Variants in RFPL1 observed in about 807,000 individuals in gnomAD.
RFPL1 encodes the protein ret finger protein-like 1.
Under a neutral mutation model 9.6 loss-of-function variants are expected in RFPL1, and 6 were observed. The observed-to-expected ratio is 0.62, with a 90% CI of 0.34 to 1.23. The LOEUF (loss-of-function observed/expected upper bound fraction) is 1.23. Among genes scored for constraint, RFPL1 ranks in the 50% most tolerant of loss-of-function variants. The pLI is 0.03. For missense variants in RFPL1, 352 were observed against 398.4 expected (o/e 0.88, Z 0.99); for synonymous variants, 145 against 149.4 (o/e 0.97, Z 0.22).
chr22:29,424,306 A>G, the RFPL1 span, among the ~76,000 whole-genome samples: 1 of 152,212 alleles, frequency 6.6e-6, no homozygotes, highest in Non-Finnish European at 1.5e-5. Context: ...AAAAGAAGTT[A>G]CACAGGAACA....
At chr22:29,434,526 C>T (rs115618368), upstream of RFPL1, 1,352 of 156,774 alleles carry the variant, frequency 8.6e-3, 23 homozygotes, top group African/African-American at 0.031. Context: ...TTCTTAGAAC[C>T]GCACAGAGTA....
At chr22:29,418,920 C>A in the RFPL1 span, among the ~76,000 whole-genome samples, 1 of 152,226 alleles carries the variant, frequency 6.6e-6, no homozygotes. Flanking sequence ...TCACCTGCTG[C>A]CTTTCCCACC....
the RFPL1 span, among the ~76,000 whole-genome samples, chr22:29,411,810 T>C: frequency 6.6e-6 from 1 of 152,224 alleles, no homozygotes; most frequent in South Asian, 2.1e-4. Context: ...TTGTTTGAAA[T>C]GATGGTAAGA....
At chr22:29,435,132 CAATT>C (rs1216966027), upstream of RFPL1, 2 of 152,182 alleles carry the variant, frequency 1.3e-5, no homozygotes, top group East Asian at 3.8e-4. Context: ...CCATGAATGT[CAATT>C]AAGTAGATTA....
the RFPL1 span, among the ~76,000 whole-genome samples, chr22:29,415,687 C>T: frequency 6.6e-6 from 1 of 152,146 alleles, no homozygotes; most frequent in Non-Finnish European, 1.5e-5. Context: ...GGCAGACTTG[C>T]GTCTCAAGAA....
the RFPL1 span, among the ~76,000 whole-genome samples, chr22:29,425,600 C>T: frequency 6.6e-6 from 1 of 152,168 alleles, no homozygotes; most frequent in Non-Finnish European, 1.5e-5. Context: ...ATGACAACAG[C>T]TCAAACTAGT....
intron 1 of RFPL1, 77 bp from the exon 2 acceptor site, chr22:29,441,465 T>G (rs2062838403): frequency 5.8e-5 from 85 of 1,476,960 alleles, no homozygotes; most frequent in Non-Finnish European, 7.8e-5. Context: ...CAAGAGATAT[T>G]TGGGCCTTTG....
the RFPL1 span, among the ~76,000 whole-genome samples, chr22:29,412,357 C>T: frequency 2.6e-5 from 4 of 152,130 alleles, no homozygotes; most frequent in East Asian, 1.9e-4. Context: ...TTCAACTAGA[C>T]GTAGCCCCCC....
chr22:29,389,181 G>A, the RFPL1 span, among the ~76,000 whole-genome samples: 1 of 151,954 alleles, frequency 6.6e-6, no homozygotes, highest in Non-Finnish European at 1.5e-5. Context: ...GTCTCTCTCT[G>A]TCCAAACTAG....
At chr22:29,414,225 A>ATTTTTTC in the RFPL1 span, among the ~76,000 whole-genome samples, 74,119 of 122,248 alleles carry the variant, frequency 0.61, 24,151 homozygotes, top group African/African-American at 0.86. Context: ...TGCACCCCCA[A>ATTTTTTC]TTTTTTCTTT....
At chr22:29,414,785 A>G in the RFPL1 span, among the ~76,000 whole-genome samples, 20 of 151,466 alleles carry the variant, frequency 1.3e-4, no homozygotes, top group Non-Finnish European at 2.9e-4. Context: ...CCATACTTTA[A>G]GATTTTTGAG....
At chr22:29,415,222 C>G in the RFPL1 span, among the ~76,000 whole-genome samples, 1 of 152,046 alleles carries the variant, frequency 6.6e-6, no homozygotes, top group South Asian at 2.1e-4. Flanking sequence ...TAAAGGCACG[C>G]CCGTTTGCCT....
chr22:29,406,553 G>T, the RFPL1 span, among the ~76,000 whole-genome samples: 3 of 152,116 alleles, frequency 2.0e-5, no homozygotes, highest in African/African-American at 7.2e-5. Flanking sequence ...TTTCTATATT[G>T]TCTCATCTAA....
chr22:29,430,365 C>T, the RFPL1 span, among the ~76,000 whole-genome samples: 1 of 151,846 alleles, frequency 6.6e-6, no homozygotes, highest in Non-Finnish European at 1.5e-5. Flanking sequence ...CCTTTCAAAT[C>T]CAGTGTGCAT....
the RFPL1 span, among the ~76,000 whole-genome samples, chr22:29,422,003 C>A: frequency 6.6e-6 from 1 of 152,154 alleles, no homozygotes; most frequent in African/African-American, 2.4e-5. Context: ...AGACTCTTTT[C>A]ATCTGGTCGG....
chr22:29,405,294 G>A, the RFPL1 span, among the ~76,000 whole-genome samples: 3 of 152,158 alleles, frequency 2.0e-5, no homozygotes, highest in Non-Finnish European at 4.4e-5. Context: ...CAGCTCCATG[G>A]TATGCTGTGT....
At position 29,441,769 on chromosome 22, in the gene RFPL1, G is replaced by C. The variant is rs1469103473; in HGVS notation, c.601G>C (p.Val201Leu). The C allele has an allele frequency of 6.8e-6, 11 of 1,613,834 alleles. No individual in the cohort carries two copies. The highest frequency in any genetic ancestry group is 8.5e-6 in the Non-Finnish European group (10 of 1,179,884). Residue 201 changes from valine to leucine, a missense_variant, in exon 2 of 2, where the codon GTT becomes CTT. By Grantham distance (32) the Val-to-Leu change is conservative (BLOSUM62 1). Coordinates refer to ENST00000354373, the Ensembl canonical transcript of RFPL1. ...GGACCTGGGAGTCTGCAGAGAATCT[G>C]TTCACCGCAAAGGGAGGATCCATCT...
At chr22:29,394,861 G>T in the RFPL1 span, among the ~76,000 whole-genome samples, 2 of 152,228 alleles carry the variant, frequency 1.3e-5, no homozygotes, top group African/African-American at 4.8e-5. Flanking sequence ...GCCTAGCGGA[G>T]AGTCAAGGCC....
chr22:29,424,568 G>C, the RFPL1 span, among the ~76,000 whole-genome samples: 1 of 151,372 alleles, frequency 6.6e-6, no homozygotes, highest in Non-Finnish European at 1.5e-5. Context: ...GTCTACCTGA[G>C]CTTAGTTCCT....
Sources: allele counts gnomAD v4.1 joint callset (sites outside exome capture counted in the v4.1 genomes callset), GRCh38; gene constraint gnomAD v4.1.1; transcripts MANE v1.5; gene names NCBI Gene and HGNC (gene_info 2026-07-23, HGNC 2026-07-21).